NCAPD3: variants seen among roughly 807,000 people sequenced by gnomAD.
NCAPD3 encodes the protein non-SMC condensin II complex subunit D3.
In NCAPD3, 105 loss-of-function variants were observed where a neutral mutation model predicts 182.9. That is an observed-to-expected ratio of 0.57 (90% CI 0.49 to 0.68). The LOEUF (loss-of-function observed/expected upper bound fraction) is 0.68, where lower values mean the gene tolerates loss of function less well. Among genes scored for constraint, NCAPD3 ranks in the 30% least tolerant of loss-of-function variants. NCAPD3 has a pLI of 0.00. For synonymous variants in NCAPD3, 815 were observed against 679.9 expected, an observed-to-expected ratio of 1.20 and a Z score of -3.09; for missense variants, 1,944 against 1,837.0, an observed-to-expected ratio of 1.06 and a Z score of -1.07.
intron 3 of NCAPD3, among the ~76,000 whole-genome samples, chr11:134,212,595 T>A (rs780873553): frequency 1.3e-5 from 2 of 152,164 alleles, no homozygotes; most frequent in Non-Finnish European, 2.9e-5. Context: ...TTTCACCATG[T>A]TGGCCAGGCT....
At chr11:134,166,702 T>G (rs1182967771) in intron 27 of NCAPD3, among the ~76,000 whole-genome samples, 1 of 99,276 alleles carries the variant, frequency 1.0e-5, no homozygotes, top group Non-Finnish European at 1.9e-5. Context: ...CTGAGTGAGA[T>G]GAGCTTAGGG....
intron 2 of NCAPD3, among the ~76,000 whole-genome samples, chr11:134,219,454 G>T (rs1229191225): frequency 6.6e-6 from 1 of 152,166 alleles, no homozygotes; most frequent in Non-Finnish European, 1.5e-5. Flanking sequence ...GGTCCCTGGG[G>T]AGGACCTCAA....
intron 7 of NCAPD3, among the ~76,000 whole-genome samples, chr11:134,207,056 T>C (rs1044147635): frequency 1.2e-4 from 19 of 152,200 alleles, no homozygotes; most frequent in Non-Finnish European, 2.2e-4. Flanking sequence ...GGGCAAAGAA[T>C]GCTACTAATG....
At chr11:134,208,530 AGT>A (rs1565554618) in intron 7 of NCAPD3, among the ~76,000 whole-genome samples, 1 of 152,240 alleles carries the variant, frequency 6.6e-6, no homozygotes, top group East Asian at 1.9e-4. Context: ...TTCCTATAGA[AGT>A]AAGTGTTCAG....
At position 134,159,997 on chromosome 11, in the gene NCAPD3, A is replaced by G. The variant is rs4435018; in HGVS notation, c.3762T>C (p.Tyr1254=). Residue 1254 remains tyrosine (Y), a synonymous_variant, in exon 29 of 35, where the codon TAT becomes TAC. Transcript: ENST00000534548. ...GCTGTTCCTGGTACTTCTTCATGTC[A>G]TACTCAAGCTCTGATGCCAGCTGTT... is the stretch of plus-strand genomic sequence containing the variant. ...VDKQLASELE[Y]DMKKYQEQLV... is the part of the protein sequence containing the mutation. 4 of 1,614,112 alleles carry G rather than the reference A, an allele frequency of 2.5e-6. No homozygotes were observed. Among genetic ancestry groups the G allele is most frequent in the Admixed American group, 1.7e-5 (1 of 60,012 alleles).
intron 3 of NCAPD3, among the ~76,000 whole-genome samples, chr11:134,213,965 T>C (rs1272872617): frequency 1.3e-5 from 2 of 152,086 alleles, no homozygotes; most frequent in Non-Finnish European, 2.9e-5. Flanking sequence ...AAACTGATAA[T>C]TATTCTTAGA....
upstream of NCAPD3, chr11:134,224,720 T>G (rs1366087642): frequency 1.3e-5 from 2 of 151,472 alleles, no homozygotes; most frequent in African/African-American, 2.4e-5. Context: ...GCTGGGCAGC[T>G]CGCAGCGCTG....
chr11:134,184,221 T>C (rs571561690), intron 19 of NCAPD3, among the ~76,000 whole-genome samples: 75 of 152,352 alleles, frequency 4.9e-4, no homozygotes, highest in African/African-American at 1.8e-3. Flanking sequence ...AGGACAGGCA[T>C]GTCCAAGATT....
Position 134,206,645 on chromosome 11 carries a change from T to C in NCAPD3, c.970A>G (p.Thr324Ala). The C allele has an allele frequency of 6.2e-7, 1 of 1,613,504 alleles. No homozygotes were observed. The highest frequency in any genetic ancestry group is 1.1e-5 in the South Asian group (1 of 90,956). ...EGSHRAPLAV[T>A]SQVINCRNQA... is the part of the protein sequence containing the mutation. ...TTTCTACAGTTGATGACTTGGGAGG[T>C]AACAGCAAGGGGGGCACGATGGGAT... Residue 324 changes from threonine (T) to alanine (A), a missense_variant, in exon 8 of 35, where the codon ACC becomes GCC. Thr to Ala is a moderately conservative substitution (Grantham distance 58, BLOSUM62 0). Transcript: ENST00000534548.
At chr11:134,218,395 T>A (rs755139505) in intron 2 of NCAPD3, among the ~76,000 whole-genome samples, 3 of 152,160 alleles carry the variant, frequency 2.0e-5, no homozygotes, top group African/African-American at 7.2e-5. Context: ...GGTGATCTCA[T>A]GCATCACTGT....
intron 3 of NCAPD3, among the ~76,000 whole-genome samples, chr11:134,214,377 CAT>C (rs1937944206): frequency 6.6e-6 from 1 of 152,120 alleles, no homozygotes; most frequent in African/African-American, 2.4e-5. Flanking sequence ...ACAGTAAAAA[CAT>C]ATCATCGAAA....
At chr11:134,195,469 C>A (rs1944608553) in intron 13 of NCAPD3, among the ~76,000 whole-genome samples, 1 of 152,058 alleles carries the variant, frequency 6.6e-6, no homozygotes, top group African/African-American at 2.4e-5. Flanking sequence ...TACTTAGAAT[C>A]AGAAATTTAA....
intron 24 of NCAPD3, among the ~76,000 whole-genome samples, chr11:134,172,452 A>G (rs368501482): frequency 3.9e-5 from 6 of 152,248 alleles, no homozygotes; most frequent in African/African-American, 1.2e-4. Flanking sequence ...GGCTTCACTA[A>G]GGCCTCCAGA....
intron 29 of NCAPD3, 79 bp from the exon 30 acceptor site, chr11:134,158,574 G>T: frequency 6.9e-6 from 10 of 1,446,858 alleles, no homozygotes; most frequent in Non-Finnish European, 8.5e-6. Flanking sequence ...GTTGTACATG[G>T]TTGGGGGTCC....
In NCAPD3 at chr11:134,168,943, C is replaced by T; in HGVS notation, c.3213G>A (p.Lys1071=). ...FHFNNYEKHE[K]YNKFPQSERE... is the part of the protein sequence containing the mutation. ...TCTCTGACTGGGGGAACTTGTTGTA[C>T]TTCTCATGCTTCTCATAGTTATTAA... The change falls in exon 25 of 35, where the codon AAG becomes AAA. Residue 1071 remains lysine, a synonymous_variant. Transcript: ENST00000534548. 14 of 1,613,750 alleles carry T rather than the reference C, an allele frequency of 8.7e-6. No individual in the cohort carries two copies. Among genetic ancestry groups the T allele is most frequent in the Non-Finnish European group, 1.2e-5 (14 of 1,179,804 alleles).
At chr11:134,210,233 G>A (rs750092688) in intron 4 of NCAPD3, 37 bp downstream of exon 4, 13 of 1,541,438 alleles carry the variant, frequency 8.4e-6, no homozygotes, top group Non-Finnish European at 1.1e-5. Flanking sequence ...CAAATCGTGT[G>A]TTGGTATATA....
At chr11:134,153,451 G>A in intron 32 of NCAPD3, 88 bp from the exon 33 acceptor site, 1 of 1,338,392 alleles carries the variant, frequency 7.5e-7, no homozygotes, top group South Asian at 1.2e-5. Context: ...TAGGCAGGGT[G>A]TCCACATCAG....
At chr11:134,191,800 T>C (rs1167644429) in intron 16 of NCAPD3, among the ~76,000 whole-genome samples, 3 of 152,220 alleles carry the variant, frequency 2.0e-5, no homozygotes, top group Non-Finnish European at 4.4e-5. Flanking sequence ...CTGGAATATC[T>C]GCATATACTT....
Position 134,204,873 on chromosome 11 carries a change from A to G in NCAPD3, c.1089+26T>C, listed in dbSNP as rs770282894. 2 of 1,560,706 alleles carry G rather than the reference A, an allele frequency of 1.3e-6. No homozygotes were observed. The highest frequency in any genetic ancestry group is 4.5e-5 in the East Asian group (2 of 44,564). Reference sequence around the variant, plus strand: ...TTCACACACGATATACTTCCATGTTATTAATATTACTAAGGCAAACAGTAC... The same window carrying G: ...TTCACACACGATATACTTCCATGTTGTTAATATTACTAAGGCAAACAGTAC... On this transcript the variant is annotated intron_variant, in intron 9 of 34. Transcript: ENST00000534548. The surrounding 1 kb of genome is among the most constrained non-coding windows in gnomAD (Gnocchi z 4.3).
Sources: gnomAD v4.1 joint callset for allele counts (sites outside exome capture counted in the v4.1 genomes callset) on GRCh38, gnomAD v4.1.1 for gene constraint, Gnocchi (gnomAD v3.1) non-coding constraint, MANE v1.5 for transcripts, NCBI Gene and HGNC (gene_info 2026-07-23, HGNC 2026-07-21) for gene names.